Variants in ZFHX3 observed in about 807,000 individuals in gnomAD.
The protein encoded by ZFHX3 is zinc finger homeobox 3.
Under a neutral mutation model 279.1 loss-of-function variants are expected in ZFHX3, and 42 were observed. That is an observed-to-expected ratio of 0.15 (90% CI 0.12 to 0.19). ZFHX3 has a LOEUF of 0.19. Ranked by LOEUF, ZFHX3 falls within the 10% of genes least tolerant of loss-of-function variation. The pLI is 1.00. For missense variants in ZFHX3, 4,981 were observed against 4,754.0 expected (o/e 1.05, Z -1.40); for synonymous variants, 2,293 against 1,957.8 (o/e 1.17, Z -4.52).
Position 72,959,414 on chromosome 16 carries a change from G to A in ZFHX3, c.732C>T (p.Tyr244=). Residue 244 remains tyrosine (Y), a synonymous_variant, in exon 2 of 10, where the codon TAC becomes TAT. Transcript: ENST00000268489. ...TTTTGGCAGAACCGTCGCTGTTCAG[G>A]TAATCCTTGTTGCTTTTGTGTCGCA... The part of the protein sequence containing the change: ...FDVRHKSNKD[Y]LNSDGSAKSS... 1 of 1,614,232 alleles carries A rather than the reference G, an allele frequency of 6.2e-7. No individual in the cohort carries two copies. Among genetic ancestry groups the A allele is most frequent in the Non-Finnish European group, 8.5e-7 (1 of 1,180,028 alleles).
In ZFHX3 at chr16:72,787,413, G is replaced by C. The variant is rs2143270519; in HGVS notation, c.10863C>G (p.Val3621=). ...GGGGCTTCGCTGCCGAAGCCCGGGA[G>C]ACCACTTGCGGCCAAGACTTCCTGG... ...HASRKSWPQV[V]SRASAAKPPS... The change falls in exon 10 of 10, where the codon GTC becomes GTG. Residue 3621 remains valine, a synonymous_variant. Coordinates refer to ENST00000268489, the MANE Select transcript of ZFHX3 (RefSeq NM_006885.4). 1 of 1,524,494 alleles carries C rather than the reference G, an allele frequency of 6.6e-7. No individual in the cohort carries two copies. The highest frequency in any genetic ancestry group is 8.9e-7 in the Non-Finnish European group (1 of 1,126,354). The allele number at this position is 1,524,494 out of a possible 1,614,324, so 94.4% of individuals were successfully genotyped here. A position where few individuals can be genotyped will look rare whatever the true frequency, so the allele number is the denominator to read the frequency against.
At chr16:73,636,382 A>T (rs2052527272) in intron 2 of ZFHX3, among the ~76,000 whole-genome samples, 1 of 152,206 alleles carries the variant, frequency 6.6e-6, no homozygotes, top group Non-Finnish European at 1.5e-5. Flanking sequence ...CTAATATTCA[A>T]CTTTGTTTTA....
chr16:72,922,339 G>A (rs529549287), intron 3 of ZFHX3, among the ~76,000 whole-genome samples: 5 of 152,140 alleles, frequency 3.3e-5, no homozygotes, highest in African/African-American at 4.8e-5. Flanking sequence ...GCATTAGGAC[G>A]GTGAGGCCCC....
chr16:73,421,292 T>C (rs1475841879), intron 3 of ZFHX3: 1 of 152,232 alleles, frequency 6.6e-6, no homozygotes, highest in Non-Finnish European at 1.5e-5. Flanking sequence ...CTCTACAAAT[T>C]GGTATTTTAA....
intron 1 of ZFHX3, among the ~76,000 whole-genome samples, chr16:73,821,242 G>T (rs1960731840): frequency 6.6e-6 from 1 of 152,192 alleles, no homozygotes; most frequent in South Asian, 2.1e-4. Flanking sequence ...CTGATTTCCA[G>T]AGTCATAAAA....
At chr16:73,244,495 A>C (rs1185119052) in intron 5 of ZFHX3, among the ~76,000 whole-genome samples, 5 of 152,226 alleles carry the variant, frequency 3.3e-5, no homozygotes, top group Admixed American at 3.3e-4. Flanking sequence ...AAGGCAACTG[A>C]TTATGGCATA....
intron 3 of ZFHX3, among the ~76,000 whole-genome samples, chr16:73,326,535 A>G (rs1002171241): frequency 2.6e-5 from 4 of 152,212 alleles, no homozygotes; most frequent in Admixed American, 6.5e-5. Flanking sequence ...GTATGAGTCT[A>G]TTTATTTGCA....
At chr16:72,933,201 G>A (rs923407814) in intron 3 of ZFHX3, among the ~76,000 whole-genome samples, 1 of 152,104 alleles carries the variant, frequency 6.6e-6, no homozygotes. Context: ...TAGCTTGAGC[G>A]CTCTTAACCA....
At chr16:72,971,989 G>A (rs183467482) in intron 1 of ZFHX3, among the ~76,000 whole-genome samples, 15 of 147,634 alleles carry the variant, frequency 1.0e-4, no homozygotes, top group South Asian at 6.5e-4. Context: ...GCATTCAAGC[G>A]ATTCTCCTGC....
At chr16:72,892,218 C>T (rs1432877698) in intron 3 of ZFHX3, among the ~76,000 whole-genome samples, 1 of 152,168 alleles carries the variant, frequency 6.6e-6, no homozygotes, top group East Asian at 1.9e-4. Flanking sequence ...GGGGTTGAAG[C>T]CCTCAATGAC....
intron 1 of ZFHX3, among the ~76,000 whole-genome samples, chr16:73,792,916 G>A (rs1041135330): frequency 4.2e-5 from 6 of 144,472 alleles, no homozygotes; most frequent in Non-Finnish European, 8.9e-5. Flanking sequence ...ACTTCTGTAT[G>A]GTTTGGGGTT....
At chr16:73,889,150 T>C (rs1427333399) in intron 1 of ZFHX3, among the ~76,000 whole-genome samples, 2 of 152,134 alleles carry the variant, frequency 1.3e-5, no homozygotes, top group Non-Finnish European at 2.9e-5. Context: ...TTTATTGGCA[T>C]AGAAGACTAA....
chr16:73,624,441 T>A (rs1020814743), intron 2 of ZFHX3, among the ~76,000 whole-genome samples: 1 of 145,932 alleles, frequency 6.9e-6, no homozygotes, highest in Non-Finnish European at 1.5e-5. Context: ...AGCTGCTGAA[T>A]GGAACAACCT....
rs531812739 is a variant in ZFHX3 at position 73,709,003 on chromosome 16, T to C, written c.-1607-28763A>G. Among the ~76,000 whole-genome samples the C allele has an allele frequency of 4.9e-4, 75 of 152,250 alleles. 1 individual carries two copies. The highest frequency in any genetic ancestry group is 3.3e-3 in the South Asian group (16 of 4,832). ...ATGACAATTACTTTCCTTTGGAGGA[T>C]CTGTAAAGCGGCATATTTTGGGGTG... On this transcript the variant is annotated intron_variant, in intron 1 of 17. Transcript: ENST00000641206.
intron 3 of ZFHX3, among the ~76,000 whole-genome samples, chr16:72,895,897 A>G (rs1279020378): frequency 6.6e-6 from 1 of 152,230 alleles, no homozygotes; most frequent in Non-Finnish European, 1.5e-5. Flanking sequence ...AGATAGACGG[A>G]TAGATAGGTA....
At chr16:73,006,026 T>G (rs1963691386) in intron 1 of ZFHX3, 1 of 152,248 alleles carries the variant, frequency 6.6e-6, no homozygotes, top group South Asian at 2.1e-4. Context: ...TAATTAAATT[T>G]AAATGTGTCT....
chr16:73,082,763 A>G (rs117994486), intron 8 of ZFHX3, among the ~76,000 whole-genome samples: 158 of 152,322 alleles, frequency 1.0e-3, no homozygotes, highest in Non-Finnish European at 1.6e-3. Flanking sequence ...CTTAGAATAA[A>G]AGCAGTCTTT....
intron 6 of ZFHX3, chr16:73,131,157 A>G (rs1966672397): frequency 2.3e-6 from 1 of 437,336 alleles, no homozygotes; most frequent in African/African-American, 2.0e-5. Context: ...TCAATGAAAG[A>G]ACATATGAAA....
intron 1 of ZFHX3, among the ~76,000 whole-genome samples, chr16:73,791,279 G>C (rs432930): frequency 0.11 from 16,433 of 150,368 alleles, 2,647 homozygotes; most frequent in African/African-American, 0.35. Flanking sequence ...CTTCTCTTTT[G>C]ACTGGCAGAG....
Sources: gnomAD v4.1 joint callset for allele counts (sites outside exome capture counted in the v4.1 genomes callset) on GRCh38, gnomAD v4.1.1 for gene constraint, MANE v1.5 for transcripts, NCBI Gene and HGNC (gene_info 2026-07-23, HGNC 2026-07-21) for gene names.